HEYL: variants seen among roughly 807,000 people sequenced by gnomAD.
HEYL encodes the protein hairy/enhancer-of-split related with YRPW motif-like protein.
A neutral mutation model predicts 18.6 loss-of-function variants in HEYL; 12 were observed. The ratio of observed to expected loss-of-function variants is 0.65; its 90% CI spans 0.41 to 1.05. HEYL has a LOEUF of 1.05. HEYL is among the 50% of genes least tolerant of loss of function. The pLI is 0.00. For missense variants in HEYL, 420 were observed against 444.7 expected (o/e 0.94, Z 0.50); for synonymous variants, 159 against 179.6 (o/e 0.89, Z 0.91).
rs539955756 is a variant in HEYL, at chr1:39,623,613, C to G, written c.*2894G>C. Reference sequence around the variant, plus strand: ...ACAAATGGATATGCAGTGGCAAATTCTCCATGAAGGGAAAGAACAGAGGCC... The same window carrying G: ...ACAAATGGATATGCAGTGGCAAATTGTCCATGAAGGGAAAGAACAGAGGCC... On this transcript the variant is annotated 3_prime_UTR_variant, in exon 5 of 5. Transcript: ENST00000372852. Among the ~76,000 whole-genome samples, 16 of 152,326 alleles carry G rather than the reference C, an allele frequency of 1.1e-4. No homozygotes were observed. The highest frequency in any genetic ancestry group is 3.8e-4 in the African/African-American group (16 of 41,570).
At chr1:39,637,629 A>G (rs1646367779) in intron 1 of HEYL, among the ~76,000 whole-genome samples, 1 of 152,188 alleles carries the variant, frequency 6.6e-6, no homozygotes, top group African/African-American at 2.4e-5. Context: ...CCTCTGCCAG[A>G]TGTCCAGCTG....
In HEYL at chr1:39,630,235, C is replaced by T. The variant is rs138456992; in HGVS notation, c.305G>A (p.Gly102Asp). Residue 102 changes from glycine to aspartate, a missense_variant, in exon 4 of 5, where the codon GGT (glycine) becomes GAT (aspartate). Transcript: ENST00000372852. ...GAGAAGAGCATGGGTACCTGTCCCACCAGTGGCATGGAGCATTTTCAAGTG... is the reference window on the plus strand; with the variant it reads ...GAGAAGAGCATGGGTACCTGTCCCATCAGTGGCATGGAGCATTTTCAAGTG... ...VDHLKMLHAT[G>D]GTGFFDARAL... 9 of 1,613,670 alleles carry T rather than the reference C, an allele frequency of 5.6e-6. No individual in the cohort carries two copies. The African/African-American group carries it at 1.2e-4, about 22-fold the overall frequency.
At position 39,627,061 on chromosome 1, in the gene HEYL, C is replaced by T. The variant is rs762466594; in HGVS notation, c.433G>A (p.Val145Ile). 38 of 1,614,052 alleles carry T rather than the reference C, an allele frequency of 2.4e-5. 1 individual carries two copies. The highest frequency in any genetic ancestry group is 7.7e-5 in the South Asian group (7 of 91,084). ...LEGPSSRADP[V>I]RIRLLSHLNS... Reference sequence around the variant, plus strand: ...AGGTGGGAGAGAAGGCGAATCCGGACGGGGTCTGCACGGCTGCTGGGCCCT... The same window carrying T: ...AGGTGGGAGAGAAGGCGAATCCGGATGGGGTCTGCACGGCTGCTGGGCCCT... The change falls in exon 5 of 5, where the codon GTC becomes ATC. Residue 145 changes from valine to isoleucine, a missense_variant. Coordinates refer to ENST00000372852, the MANE Select transcript of HEYL (RefSeq NM_014571.4).
intron 2 of HEYL, 34 bp from the exon 3 acceptor site, chr1:39,631,613 G>T (rs769966494): frequency 4.4e-6 from 7 of 1,580,350 alleles, no homozygotes. Context: ...ACTCACAGGT[G>T]TGTCATCACA....
chr1:39,635,084 T>G (rs748047283), intron 1 of HEYL, among the ~76,000 whole-genome samples: 1 of 152,248 alleles, frequency 6.6e-6, no homozygotes, highest in Non-Finnish European at 1.5e-5. Context: ...AGAGACCAGA[T>G]AGCATTTGTC....
Position 39,626,814 on chromosome 1 carries a change from C to A in HEYL, c.680G>T (p.Gly227Val), listed in dbSNP as rs1158568314. The change falls in exon 5 of 5, where the codon GGC becomes GTC. Residue 227 changes from glycine (G) to valine (V), a missense_variant. Gly to Val is a moderately radical substitution (Grantham distance 109, BLOSUM62 -3). Transcript: ENST00000372852. ...ATTCCTCCGGGCTGGCAGGATGATGCCTGTGGCTCTGCGAAGGGGAGCGGT... is the reference window on the plus strand; with the variant it reads ...ATTCCTCCGGGCTGGCAGGATGATGACTGTGGCTCTGCGAAGGGGAGCGGT... ...LRTAPLRRATGIILPARRNVL... is the reference protein window; with the variant it reads ...LRTAPLRRATVIILPARRNVL... 4 of 1,565,304 alleles carry A rather than the reference C, an allele frequency of 2.6e-6. No homozygotes were observed. Among genetic ancestry groups the A allele is most frequent in the Non-Finnish European group, 3.5e-6 (4 of 1,154,670 alleles).
rs116469202 is a variant in HEYL, at chr1:39,636,627, G to T, written c.80+2919C>A. ...CCCCATATATACATCATCCCGTCAT[G>T]TAGATCTCAGAGCCAGTGCTTTTTG... On this transcript the variant is annotated intron_variant, in intron 1 of 4. Transcript: ENST00000372852. Among the ~76,000 whole-genome samples, 1,289 of 152,292 alleles carry T rather than the reference G, an allele frequency of 8.5e-3. 29 individuals are homozygous for T. Among genetic ancestry groups the T allele is most frequent in the African/African-American group, 0.029 (1,215 of 41,556 alleles).
In HEYL at chr1:39,626,908, G is replaced by A; in HGVS notation, c.586C>T (p.Leu196=). The A allele has an allele frequency of 6.2e-7, 1 of 1,610,482 alleles. No individual in the cohort carries two copies. Among genetic ancestry groups the A allele is most frequent in the South Asian group, 1.1e-5 (1 of 90,736 alleles). Reference sequence around the variant, plus strand: ...AGGACAGGGCTGGGCACTCTTCCCAGGATGGCGAGCTGGTTGCTCAGGGCT... The same window carrying A: ...AGGACAGGGCTGGGCACTCTTCCCAAGATGGCGAGCTGGTTGCTCAGGGCT... ...LPALSNQLAI[L]GRVPSPVLPG... Residue 196 remains leucine (L), a synonymous_variant, in exon 5 of 5, where the codon CTG becomes TTG. Transcript: ENST00000372852.
In HEYL at chr1:39,627,138, A is replaced by C. The variant is rs759071848; in HGVS notation, c.356T>G (p.Ile119Ser). The change falls in exon 5 of 5, where the codon ATT becomes AGT. Residue 119 changes from isoleucine to serine, a missense_variant. Transcript: ENST00000372852. The part of the protein sequence containing the change: ...ARALAVDFRS[I>S]GFRECLTEVI... ...CTCAGTGAGGCACTCCCGAAAACCA[A>C]TGCTCCGGAAGTCAACTGCCAGGGC... The C allele has an allele frequency of 1.2e-6, 2 of 1,613,678 alleles. No individual in the cohort carries two copies. The highest frequency in any genetic ancestry group is 1.7e-6 in the Non-Finnish European group (2 of 1,179,744).
chr1:39,626,520 A>G lies in HEYL; in HGVS notation c.974T>C (p.Ile325Thr). Residue 325 changes from isoleucine to threonine, a missense_variant, in exon 5 of 5, where the codon ATC (isoleucine) becomes ACC (threonine). Ile to Thr is a moderately conservative substitution (Grantham distance 89). Coordinates refer to ENST00000372852, the MANE Select transcript of HEYL (RefSeq NM_014571.4). ...TGAAGGGGCAGCTCAGAAAGCCCCG[A>G]TTTCAGTGATTTCAGAGACCCAGGA... is the stretch of plus-strand genomic sequence containing the variant. ...YHSWVSEITE[I>T]GAF The G allele has an allele frequency of 6.5e-7, 1 of 1,531,274 alleles. No individual in the cohort carries two copies. The highest frequency in any genetic ancestry group is 8.8e-7 in the Non-Finnish European group (1 of 1,139,120). 94.9% of individuals were successfully genotyped at this position (1,531,274 alleles called of 1,614,324 possible).
intron 4 of HEYL, 130 bp downstream of exon 4, chr1:39,630,097 A>G (rs1318452914): frequency 1.3e-6 from 1 of 745,630 alleles, no homozygotes; most frequent in East Asian, 2.5e-5. Flanking sequence ...AAGCTTTGCA[A>G]ATGTTCCCTC....
rs918335079 is a variant in HEYL at position 39,626,855 on chromosome 1, G to C, written c.639C>G (p.Pro213=). The C allele has an allele frequency of 1.3e-6, 2 of 1,586,450 alleles. No individual in the cohort carries two copies. Among genetic ancestry groups the C allele is most frequent in the African/African-American group, 2.7e-5 (2 of 74,588 alleles). The change falls in exon 5 of 5, where the codon CCC becomes CCG. Residue 213 remains proline (P), a synonymous_variant. Transcript: ENST00000372852. The part of the protein sequence containing the change: ...VLPGVSSPAY[P]IPALRTAPLR... ...GGGGAGCGGTTCGGAGGGCTGGGATGGGGTAAGCAGGAGAGGAGACACCGG... is the reference window on the plus strand; with the variant it reads ...GGGGAGCGGTTCGGAGGGCTGGGATCGGGTAAGCAGGAGAGGAGACACCGG...
rs1646280598 is a variant in HEYL, at chr1:39,623,856, A to G, written c.*2651T>C. 6.6e-6 allele frequency among the ~76,000 whole-genome samples: 1 copy of G among 152,218 alleles called. No individual in the cohort carries two copies. Among genetic ancestry groups the G allele is most frequent in the Non-Finnish European group, 1.5e-5 (1 of 68,032 alleles). On this transcript the variant is annotated 3_prime_UTR_variant, in exon 5 of 5. Coordinates refer to ENST00000372852, the MANE Select transcript of HEYL (RefSeq NM_014571.4). Reference sequence around the variant, plus strand: ...AAGGGCAGGTGGCAGAAGCTCAGGGAGCAAGTCTGGGACTGGCAAGAAATG... The same window carrying G: ...AAGGGCAGGTGGCAGAAGCTCAGGGGGCAAGTCTGGGACTGGCAAGAAATG...
chr1:39,639,300 G>C (rs1433828805), intron 1 of HEYL, among the ~76,000 whole-genome samples: 12 of 152,274 alleles, frequency 7.9e-5, no homozygotes. Flanking sequence ...GATCCCCCGA[G>C]CTGAACTCTC....
chr1:39,636,195 C>G (rs1403113178), intron 1 of HEYL, among the ~76,000 whole-genome samples: 1 of 151,896 alleles, frequency 6.6e-6, no homozygotes, highest in East Asian at 1.9e-4. Context: ...GGGAAGGGAT[C>G]TTCCCCAGGC....
intron 1 of HEYL, among the ~76,000 whole-genome samples, chr1:39,636,517 C>T (rs1646363084): frequency 6.6e-6 from 1 of 152,194 alleles, no homozygotes; most frequent in Admixed American, 6.5e-5. Context: ...CCACCCACCT[C>T]AGCCTCCCAA....
intron 2 of HEYL, among the ~76,000 whole-genome samples, chr1:39,632,440 T>A (rs1002902324): frequency 6.6e-6 from 1 of 152,266 alleles, no homozygotes; most frequent in African/African-American, 2.4e-5. Flanking sequence ...CCTCTCATTA[T>A]TCCAGTTACA....
chr1:39,629,241 C>T (rs1646319000), intron 4 of HEYL, among the ~76,000 whole-genome samples: 1 of 152,180 alleles, frequency 6.6e-6, no homozygotes, highest in Non-Finnish European at 1.5e-5. Flanking sequence ...ACATATTAGT[C>T]ACTACTTTTC....
At chr1:39,627,404 A>G (rs1177103613) in intron 4 of HEYL, among the ~76,000 whole-genome samples, 1 of 152,228 alleles carries the variant, frequency 6.6e-6, no homozygotes, top group African/African-American at 2.4e-5. Flanking sequence ...AATTCACTAA[A>G]CTATGAAGCA....
Sources: allele counts gnomAD v4.1 joint callset (sites outside exome capture counted in the v4.1 genomes callset), GRCh38; gene constraint gnomAD v4.1.1; transcripts MANE v1.5; gene names NCBI Gene and HGNC (gene_info 2026-07-23, HGNC 2026-07-21).